The following HERC4 variants were observed in gnomAD, a reference collection of about 807,000 sequenced individuals.
HERC4 encodes the protein probable E3 ubiquitin-protein ligase HERC4.
HERC4 carries 28 observed loss-of-function variants against 124.3 expected under a neutral mutation model. The observed-to-expected ratio is 0.23, with a 90% CI of 0.17 to 0.31. HERC4 has a LOEUF of 0.31. Ranked by LOEUF, HERC4 falls within the 10% of genes least tolerant of loss-of-function variation. The pLI is 1.00. For synonymous variants in HERC4, 407 were observed against 421.5 expected (o/e 0.97, Z 0.42); for missense variants, 713 against 1,229.3 (o/e 0.58, Z 6.28).
chr10:67,995,511 A>G (rs1423916631), intron 9 of HERC4, among the ~76,000 whole-genome samples: 2 of 150,568 alleles, frequency 1.3e-5, no homozygotes, highest in African/African-American at 4.9e-5. Context: ...TTCTTCTTTT[A>G]GGAACTTCCA....
At chr10:68,040,420 A>C (rs941697772) in intron 4 of HERC4, 3 of 904,030 alleles carry the variant, frequency 3.3e-6, no homozygotes, top group Non-Finnish European at 4.0e-6. Flanking sequence ...AGAAATTAAA[A>C]AATACTGTGA....
intron 8 of HERC4, among the ~76,000 whole-genome samples, chr10:68,023,641 A>G (rs902246149): frequency 2.6e-5 from 4 of 152,234 alleles, no homozygotes; most frequent in African/African-American, 9.6e-5. Context: ...TGATGGTTTC[A>G]CAACAATATT....
chr10:68,060,150 G>A (rs2040928211), intron 3 of HERC4, among the ~76,000 whole-genome samples: 1 of 150,980 alleles, frequency 6.6e-6, no homozygotes, highest in Non-Finnish European at 1.5e-5. Flanking sequence ...ATTCAGCACA[G>A]TACCTGGCAT....
At chr10:67,997,202 A>T (rs987121279) in intron 9 of HERC4, among the ~76,000 whole-genome samples, 51 of 152,226 alleles carry the variant, frequency 3.4e-4, no homozygotes, top group African/African-American at 1.2e-3. Context: ...AACTCAATTT[A>T]GAAGGACCTG....
At chr10:67,924,065 AAATG>A (rs1432734275) in intron 24 of HERC4, among the ~76,000 whole-genome samples, 3 of 152,166 alleles carry the variant, frequency 2.0e-5, no homozygotes, top group Non-Finnish European at 2.9e-5. Context: ...AAGAAAAAGA[AAATG>A]AAGACCAAAC....
chr10:67,999,968 CTT>C (rs1231370144), intron 9 of HERC4, among the ~76,000 whole-genome samples: 2 of 152,100 alleles, frequency 1.3e-5, no homozygotes, highest in African/African-American at 2.4e-5. Context: ...CAACCAAAGA[CTT>C]ATCTGAAGTG....
intron 15 of HERC4, among the ~76,000 whole-genome samples, chr10:67,982,867 C>A (rs1316993760): frequency 6.6e-6 from 1 of 152,042 alleles, no homozygotes; most frequent in Non-Finnish European, 1.5e-5. Flanking sequence ...GTGGCTCATG[C>A]CTGTAATCCC....
chr10:68,003,789 C>T (rs1026228171), intron 9 of HERC4, among the ~76,000 whole-genome samples: 1 of 152,104 alleles, frequency 6.6e-6, no homozygotes, highest in Non-Finnish European at 1.5e-5. Flanking sequence ...ATTCCAAATA[C>T]TGGCTATTAT....
chr10:68,001,014 C>T (rs2037197408), intron 9 of HERC4, among the ~76,000 whole-genome samples: 1 of 152,024 alleles, frequency 6.6e-6, no homozygotes. Context: ...AAAGGTGTGC[C>T]CCTTGCCTGG....
chr10:68,046,962 A>AAAAC lies in HERC4; in HGVS notation c.227-2403_227-2400dup, dbSNP rs1019102694. Among the ~76,000 whole-genome samples, 11 of 151,278 alleles carry AAAAC rather than the reference A, an allele frequency of 7.3e-5. No homozygotes were observed. In the East Asian group the frequency reaches 8.2e-4, roughly 11 times the overall value. ...TATAGAGGGAGACTGTGTCTCCAGA[A>AAAAC]AAACAAACAAACAAACAAACAAAAA... On this transcript the variant is annotated intron_variant, in intron 3 of 24. Transcript: ENST00000373700.
intron 16 of HERC4, among the ~76,000 whole-genome samples, chr10:67,961,863 C>CT (rs1404435606): frequency 1.3e-5 from 2 of 152,226 alleles, no homozygotes; most frequent in Non-Finnish European, 2.9e-5. Context: ...ACAAGAATTT[C>CT]TTTAAAAAAA....
At chr10:67,925,639 C>T (rs1024287541) in intron 23 of HERC4, among the ~76,000 whole-genome samples, 18 of 152,068 alleles carry the variant, frequency 1.2e-4, no homozygotes, top group African/African-American at 4.3e-4. Flanking sequence ...GTGAGCACTG[C>T]CTCCTGGTAT....
At chr10:67,931,088 C>T (rs113532883) in intron 23 of HERC4, among the ~76,000 whole-genome samples, 11,636 of 151,996 alleles carry the variant, frequency 0.077, 1,097 homozygotes, top group African/African-American at 0.22. Context: ...CGGGTTCAAG[C>T]GATTCTCCTG....
chr10:68,013,993 T>G, intron 9 of HERC4, 33 bp downstream of exon 9: 5 of 1,495,522 alleles, frequency 3.3e-6, no homozygotes, highest in Non-Finnish European at 4.5e-6. Flanking sequence ...AACTTCAATA[T>G]ATGAAGGAAA....
intron 19 of HERC4, among the ~76,000 whole-genome samples, chr10:67,941,504 T>TA (rs1254731182): frequency 6.6e-6 from 1 of 152,016 alleles, no homozygotes; most frequent in African/African-American, 2.4e-5. Context: ...AGAAAATGAA[T>TA]AAACACCTGT....
intron 1 of HERC4, chr10:68,074,607 A>AGG (rs1174500429): frequency 6.6e-6 from 1 of 152,168 alleles, no homozygotes; most frequent in East Asian, 1.9e-4. Flanking sequence ...GTGCACCCAG[A>AGG]TCAGCTCATG....
At chr10:67,943,145 T>C (rs1206135746) in intron 19 of HERC4, among the ~76,000 whole-genome samples, 1 of 152,238 alleles carries the variant, frequency 6.6e-6, no homozygotes, top group Non-Finnish European at 1.5e-5. Flanking sequence ...TTCAATTTTA[T>C]GTTTTCTGCT....
At chr10:67,944,479 A>G (rs2033167903) in intron 19 of HERC4, among the ~76,000 whole-genome samples, 1 of 152,238 alleles carries the variant, frequency 6.6e-6, no homozygotes, top group Non-Finnish European at 1.5e-5. Flanking sequence ...CTTCCTAAGA[A>G]GGATGAGTAC....
chr10:68,073,847 T>C (rs890512447), intron 1 of HERC4, 161 bp from the exon 2 acceptor site: 14 of 152,098 alleles, frequency 9.2e-5, no homozygotes, highest in Non-Finnish European at 1.9e-4. Flanking sequence ...ATCAAAATAC[T>C]AACATTCCAA....
Sources: allele counts gnomAD v4.1 joint callset (sites outside exome capture counted in the v4.1 genomes callset), GRCh38; gene constraint gnomAD v4.1.1; transcripts MANE v1.5; gene names NCBI Gene and HGNC (gene_info 2026-07-23, HGNC 2026-07-21).